FBXW2: variants seen among roughly 807,000 people sequenced by gnomAD.
FBXW2 encodes the protein F-box and WD repeat domain containing 2.
Under a neutral mutation model 46.0 loss-of-function variants are expected in FBXW2, and 12 were observed. That is an observed-to-expected ratio of 0.26 (90% CI 0.17 to 0.42). The LOEUF (loss-of-function observed/expected upper bound fraction) is 0.42, where lower values mean the gene tolerates loss of function less well. FBXW2 is among the 10% of genes least tolerant of loss of function. The probability of loss-of-function intolerance (pLI) is 1.00; values close to 1 mark genes in which losing one functional copy is unlikely to be tolerated. For synonymous variants in FBXW2, 203 were observed against 209.6 expected, an observed-to-expected ratio of 0.97 and a Z score of 0.27; for missense variants, 360 against 537.0, an observed-to-expected ratio of 0.67 and a Z score of 3.26.
chr9:120,776,176 C>T lies in FBXW2; in HGVS notation c.736G>A (p.Ala246Thr). The T allele has an allele frequency of 6.2e-7, 1 of 1,614,108 alleles. No individual in the cohort carries two copies. Among genetic ancestry groups the T allele is most frequent in the Non-Finnish European group, 8.5e-7 (1 of 1,180,006 alleles). ...GCCCATACTTTCACAGTGAAGTCTG[C>T]AGAGCCGCTCACCAAGATATCCAGT... ...DELDILVSGS[A>T]DFTVKVWALS... Residue 246 changes from alanine (A) to threonine (T), a missense_variant, in exon 5 of 8, where the codon GCA (alanine) becomes ACA (threonine). Physicochemically the swap from Ala to Thr is moderately conservative, Grantham distance 58 (BLOSUM62 0). Coordinates refer to ENST00000608872, the MANE Select transcript of FBXW2 (RefSeq NM_012164.4).
chr9:120,764,542 G>T lies in FBXW2; in HGVS notation c.*17C>A, dbSNP rs773444844. ...GCCCCGGCACCCAAAGTCAGTCAGC[G>T]GTGGTGGCTCATGGTGTCAGCCGTG... On this transcript the variant is annotated 3_prime_UTR_variant, in exon 8 of 8. Coordinates refer to ENST00000608872, the MANE Select transcript of FBXW2 (RefSeq NM_012164.4). 1.9e-6 allele frequency: 3 copies of T among 1,600,656 alleles called. No individual in the cohort carries two copies. The highest frequency in any genetic ancestry group is 2.6e-6 in the Non-Finnish European group (3 of 1,169,306).
intron 2 of FBXW2, 33 bp downstream of exon 2, chr9:120,793,116 T>A: frequency 2.9e-6 from 2 of 689,778 alleles, no homozygotes; most frequent in South Asian, 3.5e-5. Context: ...CCAGGTCCCT[T>A]GCTCTCGGAA....
At chr9:120,778,146 A>G (rs2131331960) in intron 4 of FBXW2, among the ~76,000 whole-genome samples, 1 of 152,230 alleles carries the variant, frequency 6.6e-6, no homozygotes, top group East Asian at 1.9e-4. Flanking sequence ...AAGGGTACAC[A>G]CATAGAAGAA....
Position 120,787,195 on chromosome 9 carries a change from C to G in FBXW2, c.490+574G>C, listed in dbSNP as rs1453454992. Among the ~76,000 whole-genome samples, 3 of 152,236 alleles carry G rather than the reference C, an allele frequency of 2.0e-5. No homozygotes were observed. The South Asian group carries it at 6.2e-4, about 32-fold the overall frequency. ...AGGCGCATGCCGCCACGCCCGGCTA[C>G]TTTTTCGTATTTCAGTAGAGACGGG... On this transcript the variant is annotated intron_variant, in intron 3 of 7. Coordinates refer to ENST00000608872, the MANE Select transcript of FBXW2 (RefSeq NM_012164.4).
In FBXW2 at chr9:120,758,202, G is replaced by C. The variant is rs986145508; in HGVS notation, c.*6357C>G. The stretch of plus-strand genomic sequence containing the variant: ...AAAATGCTCAGTGAGGCTGGAGTGG[G>C]GTATGGTGGTCAGCAGAGGCTTTAA... On this transcript the variant is annotated 3_prime_UTR_variant, in exon 8 of 8. Coordinates refer to ENST00000608872, the MANE Select transcript of FBXW2 (RefSeq NM_012164.4). 6.6e-6 allele frequency: 1 copy of C among 152,204 alleles called. No individual in the cohort carries two copies. Among genetic ancestry groups the C allele is most frequent in the Non-Finnish European group, 1.5e-5 (1 of 68,040 alleles). 9.4% of individuals were successfully genotyped at this position (152,204 alleles called of 1,614,324 possible).
At position 120,793,105 on chromosome 9, in the gene FBXW2, C is replaced by T. The variant is rs189587037; in HGVS notation, c.-21+44G>A. ...AGATCCCATCAACCCATTCGTTGCTCCCAGGTCCCTTGCTCTCGGAATCGT... is the reference window on the plus strand; with the variant it reads ...AGATCCCATCAACCCATTCGTTGCTTCCAGGTCCCTTGCTCTCGGAATCGT... On this transcript the variant is annotated intron_variant, in intron 2 of 7. Transcript: ENST00000608872. 1.9e-5 allele frequency: 14 copies of T among 723,028 alleles called. No homozygotes were observed. The Admixed American group carries it at 2.6e-4, about 13-fold the overall frequency. The allele number at this position is 723,028 out of a possible 1,614,324, so 44.8% of individuals were successfully genotyped here. A position where few individuals can be genotyped will look rare whatever the true frequency, so the allele number is the denominator to read the frequency against.
At chr9:120,775,456 C>CAT (rs1350773367) in intron 5 of FBXW2, among the ~76,000 whole-genome samples, 6 of 152,312 alleles carry the variant, frequency 3.9e-5, no homozygotes, top group Admixed American at 3.9e-4. Context: ...ATTAGACTAT[C>CAT]ATCCACAGGG....
chr9:120,779,091 G>A (rs551341761), intron 3 of FBXW2, among the ~76,000 whole-genome samples: 21 of 152,300 alleles, frequency 1.4e-4, no homozygotes, highest in Non-Finnish European at 2.1e-4. Context: ...CTTGAAATAC[G>A]TGAAGGAAGA....
At chr9:120,776,484 A>G in intron 4 of FBXW2, 1 of 395,070 alleles carries the variant, frequency 2.5e-6, no homozygotes, top group East Asian at 5.2e-5. Context: ...AGGCAAAACA[A>G]ATGTTGGAGA....
At chr9:120,777,181 C>T (rs1456097731) in intron 4 of FBXW2, among the ~76,000 whole-genome samples, 1 of 152,184 alleles carries the variant, frequency 6.6e-6, no homozygotes, top group Non-Finnish European at 1.5e-5. Flanking sequence ...ATAAAATCAC[C>T]TGGAAGTCAT....
chr9:120,792,743 G>A (rs927399973), intron 2 of FBXW2: 1 of 533,280 alleles, frequency 1.9e-6, no homozygotes, highest in Non-Finnish European at 2.9e-6. Context: ...GGGTTTTTAT[G>A]AGGGTTAAAC....
At chr9:120,782,780 T>C (rs1216903617) in intron 3 of FBXW2, among the ~76,000 whole-genome samples, 1 of 151,988 alleles carries the variant, frequency 6.6e-6, no homozygotes, top group Non-Finnish European at 1.5e-5. Context: ...AGGTAGAAGT[T>C]ACAGTGAGCC....
At position 120,758,220 on chromosome 9, in the gene FBXW2, G is replaced by A. The variant is rs926493192; in HGVS notation, c.*6339C>T. ...GGAGTGGGGTATGGTGGTCAGCAGA[G>A]GCTTTAAAGATAGTGGGAGATCAAT... On this transcript the variant is annotated 3_prime_UTR_variant, in exon 8 of 8. Coordinates refer to ENST00000608872, the MANE Select transcript of FBXW2 (RefSeq NM_012164.4). 10 of 152,212 alleles carry A rather than the reference G, an allele frequency of 6.6e-5. No individual in the cohort carries two copies. Among genetic ancestry groups the A allele is most frequent in the African/African-American group, 2.2e-4 (9 of 41,466 alleles). 9.4% of individuals were successfully genotyped at this position (152,212 alleles called of 1,614,324 possible). A position where few individuals can be genotyped will look rare whatever the true frequency, so the allele number is the denominator to read the frequency against.
At chr9:120,769,395 A>G (rs2044330728) in intron 7 of FBXW2, among the ~76,000 whole-genome samples, 1 of 152,160 alleles carries the variant, frequency 6.6e-6, no homozygotes, top group African/African-American at 2.4e-5. Flanking sequence ...CTATTATTCA[A>G]ACACTAAAAA....
chr9:120,783,916 A>C (rs965636585), intron 3 of FBXW2, among the ~76,000 whole-genome samples: 1 of 152,244 alleles, frequency 6.6e-6, no homozygotes, highest in African/African-American at 2.4e-5. Flanking sequence ...AGAGTCACTA[A>C]GTTTATTGCC....
In FBXW2 at chr9:120,778,402, C is replaced by T; in HGVS notation, c.634G>A (p.Glu212Lys). The T allele has an allele frequency of 6.2e-7, 1 of 1,602,618 alleles. No homozygotes were observed. Among genetic ancestry groups the T allele is most frequent in the Non-Finnish European group, 8.5e-7 (1 of 1,173,846 alleles). ...GSFDNTVACW[E>K]WSSGARTQHF... ...TGGGTCCTGGCTCCGGAACTCCATT[C>T]CCAGCAAGCCACAGTGTTGTCAAAG... Residue 212 changes from glutamate to lysine, a missense_variant, in exon 4 of 8, where the codon GAA becomes AAA. Physicochemically the swap from Glu to Lys is moderately conservative, Grantham distance 56. Transcript: ENST00000608872.
At chr9:120,788,313 C>G in intron 2 of FBXW2, 35 bp from the exon 3 acceptor site, 1 of 1,569,958 alleles carries the variant, frequency 6.4e-7, no homozygotes. Flanking sequence ...TAGTTCTGCT[C>G]AAAAAGACTG....
In FBXW2 at chr9:120,764,293, A is replaced by C. The variant is rs2044236186; in HGVS notation, c.*266T>G. 1 of 422,806 alleles carries C rather than the reference A, an allele frequency of 2.4e-6. No individual in the cohort carries two copies. The highest frequency in any genetic ancestry group is 4.2e-6 in the Non-Finnish European group (1 of 239,112). 26.2% of individuals were successfully genotyped at this position (422,806 alleles called of 1,614,324 possible). On this transcript the variant is annotated 3_prime_UTR_variant, in exon 8 of 8. Coordinates refer to ENST00000608872, the MANE Select transcript of FBXW2 (RefSeq NM_012164.4). The stretch of plus-strand genomic sequence containing the variant: ...TCCACTCAAGAAAGATGAACCCAAA[A>C]TGCATCCTCTAACACTGACCAACAT...
At chr9:120,770,883 C>T (rs2044362990) in intron 7 of FBXW2, among the ~76,000 whole-genome samples, 1 of 152,112 alleles carries the variant, frequency 6.6e-6, no homozygotes, top group Non-Finnish European at 1.5e-5. Flanking sequence ...GGAGGGAAAC[C>T]CTGCAAATTT....
Sources: gnomAD v4.1 joint callset for allele counts (sites outside exome capture counted in the v4.1 genomes callset) on GRCh38, gnomAD v4.1.1 for gene constraint, MANE v1.5 for transcripts, NCBI Gene and HGNC (gene_info 2026-07-23, HGNC 2026-07-21) for gene names.